Variants in CDYL2 observed in about 807,000 individuals in gnomAD.
CDYL2 encodes chromodomain Y-like protein 2.
CDYL2 carries 23 observed loss-of-function variants against 49.4 expected under a neutral mutation model. The observed-to-expected ratio is 0.47, with a 90% CI of 0.34 to 0.66. The LOEUF (loss-of-function observed/expected upper bound fraction) is 0.66, where lower values mean the gene tolerates loss of function less well. Ranked by LOEUF, CDYL2 falls within the 30% of genes least tolerant of loss-of-function variation. The probability of loss-of-function intolerance (pLI) is 0.01; values close to 1 mark genes in which losing one functional copy is unlikely to be tolerated. For synonymous variants in CDYL2, 360 were observed against 268.8 expected (o/e 1.34, Z -3.32); for missense variants, 678 against 656.4 (o/e 1.03, Z -0.36).
chr16:80,793,647 G>C (rs1197133425), intron 1 of CDYL2, among the ~76,000 whole-genome samples: 1 of 152,182 alleles, frequency 6.6e-6, no homozygotes, highest in Non-Finnish European at 1.5e-5. Flanking sequence ...CATGGTCCCT[G>C]CCCTCACCGA....
chr16:80,620,485 G>C (rs1011795629), intron 4 of CDYL2, among the ~76,000 whole-genome samples: 4 of 152,208 alleles, frequency 2.6e-5, no homozygotes, highest in Admixed American at 6.5e-5. Context: ...CCGATCAAAA[G>C]AATGAAAGTG....
In CDYL2 at chr16:80,804,311, T is replaced by A; in HGVS notation, c.-138A>T. 1.5e-6 allele frequency: 1 copy of A among 678,700 alleles called. No individual in the cohort carries two copies. The highest frequency in any genetic ancestry group is 2.0e-6 in the Non-Finnish European group (1 of 500,024). 42.0% of individuals were successfully genotyped at this position (678,700 alleles called of 1,614,324 possible). The stretch of plus-strand genomic sequence containing the variant: ...TGTGTGTGGTGTGTTGAGTAAACTG[T>A]GTTTTTGCAGAATGACAGGCTTGGG... On this transcript the variant is annotated 5_prime_UTR_variant, in exon 1 of 7. Coordinates refer to ENST00000570137, the MANE Select transcript of CDYL2 (RefSeq NM_152342.4).
intron 1 of CDYL2, among the ~76,000 whole-genome samples, chr16:80,795,065 C>T (rs1322220884): frequency 6.6e-6 from 1 of 152,084 alleles, no homozygotes; most frequent in African/African-American, 2.4e-5. Context: ...GTATAAGTTC[C>T]CATGGCTTGT....
intron 1 of CDYL2, among the ~76,000 whole-genome samples, chr16:80,708,659 G>A (rs887174467): frequency 6.6e-6 from 1 of 152,062 alleles, no homozygotes; most frequent in African/African-American, 2.4e-5. Context: ...GGCTGCAAAG[G>A]GCGTCACTGT....
intron 4 of CDYL2, among the ~76,000 whole-genome samples, chr16:80,618,364 A>G (rs921048197): frequency 6.6e-6 from 1 of 152,348 alleles, no homozygotes; most frequent in East Asian, 1.9e-4. Flanking sequence ...TCAAGAGTCC[A>G]GAGACGCACA....
intron 2 of CDYL2, among the ~76,000 whole-genome samples, chr16:80,643,495 T>A (rs1175987903): frequency 6.6e-6 from 1 of 152,200 alleles, no homozygotes; most frequent in Non-Finnish European, 1.5e-5. Flanking sequence ...GTGGGGGCGG[T>A]GAGCCCATAT....
At position 80,608,221 on chromosome 16, in the gene CDYL2, C is replaced by T. The variant is rs773537283; in HGVS notation, c.1233G>A (p.Leu411=). ...ILGVALANEM[L]FCGRKLTAQE... is the part of the protein sequence containing the mutation. Reference sequence around the variant, plus strand: ...GGGCGGTGAGCTTCCGCCCACAGAACAGCATCTCATTGGCCTGAAAAAGCA... The same window carrying T: ...GGGCGGTGAGCTTCCGCCCACAGAATAGCATCTCATTGGCCTGAAAAAGCA... Residue 411 remains leucine (L), a synonymous_variant, in exon 6 of 7, where the codon CTG becomes CTA. Coordinates refer to ENST00000570137, the MANE Select transcript of CDYL2 (RefSeq NM_152342.4). The T allele has an allele frequency of 2.5e-5, 40 of 1,580,428 alleles. No individual in the cohort carries two copies. Among genetic ancestry groups the T allele is most frequent in the Non-Finnish European group, 3.4e-5 (40 of 1,162,240 alleles).
chr16:80,702,360 G>T (rs1904306397), intron 1 of CDYL2, among the ~76,000 whole-genome samples: 1 of 151,340 alleles, frequency 6.6e-6, no homozygotes, highest in African/African-American at 2.4e-5. Context: ...AAGAAATCAA[G>T]AAAAAAAGTG....
chr16:80,695,172 G>T (rs565674105), intron 1 of CDYL2, among the ~76,000 whole-genome samples: 8 of 152,360 alleles, frequency 5.3e-5, no homozygotes, highest in African/African-American at 1.9e-4. Flanking sequence ...CCATGTCCAT[G>T]CATCTATGTA....
Position 80,598,689 on chromosome 16 carries a change from A to G in CDYL2, c.*5699T>C, listed in dbSNP as rs1985288. The G allele has an allele frequency of 0.38, 58,034 of 151,944 alleles. 11,703 individuals carry two copies. The highest frequency in any genetic ancestry group is 0.52 in the Admixed American group (8,011 of 15,260). The allele number at this position is 151,944 out of a possible 1,614,324, so 9.4% of individuals were successfully genotyped here. A position where few individuals can be genotyped will look rare whatever the true frequency, so the allele number is the denominator to read the frequency against. The stretch of plus-strand genomic sequence containing the variant: ...ATGATATGGATACAGGCTTGGGACT[A>G]CACAGTAGAAACACCAACCTGAGAT... On this transcript the variant is annotated 3_prime_UTR_variant, in exon 7 of 7. Transcript: ENST00000570137.
At chr16:80,635,120 C>T (rs1035021397) in intron 2 of CDYL2, among the ~76,000 whole-genome samples, 5 of 152,108 alleles carry the variant, frequency 3.3e-5, no homozygotes, top group African/African-American at 1.2e-4. Flanking sequence ...AATTATACGC[C>T]ACAATCAGGT....
In CDYL2 at chr16:80,691,057, C is replaced by CA. The variant is rs371519684; in HGVS notation, c.25-5929dup. 1.9e-3 allele frequency among the ~76,000 whole-genome samples: 284 copies of CA among 147,692 alleles called. 1 individual carries two copies. The highest frequency in any genetic ancestry group is 5.7e-3 in the African/African-American group (227 of 40,150). ...GGTCTCTGGGAGCAAAAAGCAAGGC[C>CA]AAAAAAAAAAGAACAGAGAAAGAAG... On this transcript the variant is annotated intron_variant, in intron 1 of 6. Coordinates refer to ENST00000570137, the MANE Select transcript of CDYL2 (RefSeq NM_152342.4).
intron 6 of CDYL2, among the ~76,000 whole-genome samples, chr16:80,607,844 T>G (rs1316082778): frequency 2.6e-5 from 4 of 152,234 alleles, no homozygotes; most frequent in Non-Finnish European, 4.4e-5. Flanking sequence ...GACGCTACCC[T>G]AGAGTATCCA....
chr16:80,617,710 C>T (rs1326846845), intron 4 of CDYL2, among the ~76,000 whole-genome samples: 1 of 152,200 alleles, frequency 6.6e-6, no homozygotes, highest in African/African-American at 2.4e-5. Flanking sequence ...CACTTCCATC[C>T]ATCTTCGCTC....
chr16:80,767,377 G>A (rs1369983708), intron 1 of CDYL2, among the ~76,000 whole-genome samples: 1 of 152,148 alleles, frequency 6.6e-6, no homozygotes, highest in Admixed American at 6.5e-5. Context: ...TCTCAGGGAA[G>A]GAGAGCTTAA....
chr16:80,629,800 G>C (rs1413002278), intron 3 of CDYL2, among the ~76,000 whole-genome samples: 1 of 152,178 alleles, frequency 6.6e-6, no homozygotes, highest in Non-Finnish European at 1.5e-5. Context: ...GTCGCCTTCT[G>C]GTTCCTCCAT....
intron 2 of CDYL2, among the ~76,000 whole-genome samples, chr16:80,634,945 G>A (rs9931563): frequency 0.059 from 8,967 of 152,216 alleles, 812 homozygotes; most frequent in African/African-American, 0.2. Flanking sequence ...CAGAAAACAG[G>A]TTCAGAGGAA....
At chr16:80,643,801 G>A (rs371851779) in intron 2 of CDYL2, among the ~76,000 whole-genome samples, 6 of 152,164 alleles carry the variant, frequency 3.9e-5, no homozygotes, top group Non-Finnish European at 5.9e-5. Context: ...ACAGGACCCC[G>A]GGCCCAGCCT....
chr16:80,784,899 A>G (rs1299320288), intron 1 of CDYL2, among the ~76,000 whole-genome samples: 1 of 152,174 alleles, frequency 6.6e-6, no homozygotes, highest in Non-Finnish European at 1.5e-5. Flanking sequence ...TTAGGGCTCA[A>G]AAGGGTAAGA....
Sources: gnomAD v4.1 joint callset for allele counts (sites outside exome capture counted in the v4.1 genomes callset) on GRCh38, gnomAD v4.1.1 for gene constraint, MANE v1.5 for transcripts, NCBI Gene and HGNC (gene_info 2026-07-23, HGNC 2026-07-21) for gene names.